KPNA6: variants seen among roughly 807,000 people sequenced by gnomAD.
The protein encoded by KPNA6 is importin subunit alpha-7.
Under a neutral mutation model 72.0 loss-of-function variants are expected in KPNA6, and 9 were observed. The ratio of observed to expected loss-of-function variants is 0.13; its 90% CI spans 0.08 to 0.22. The LOEUF (loss-of-function observed/expected upper bound fraction) is 0.22. Among genes scored for constraint, KPNA6 ranks in the 10% least tolerant of loss-of-function variants. The pLI is 1.00. For synonymous variants in KPNA6, 219 were observed against 242.1 expected (o/e 0.90, Z 0.89); for missense variants, 374 against 655.7 (o/e 0.57, Z 4.69).
chr1:32,109,647 CTTT>C (rs34762782), intron 1 of KPNA6, among the ~76,000 whole-genome samples: 6 of 139,226 alleles, frequency 4.3e-5, no homozygotes, highest in Non-Finnish European at 7.8e-5. Flanking sequence ...ATTATGAAAT[CTTT>C]TTTTTTTTTT....
intron 1 of KPNA6, among the ~76,000 whole-genome samples, chr1:32,123,640 T>C (rs929950666): frequency 6.7e-6 from 1 of 150,242 alleles, no homozygotes; most frequent in African/African-American, 2.5e-5. Flanking sequence ...CTCAGAAGGC[T>C]GAGGTGGGAG....
At chr1:32,169,082 G>A (rs1385574088) in intron 12 of KPNA6, among the ~76,000 whole-genome samples, 1 of 152,034 alleles carries the variant, frequency 6.6e-6, no homozygotes, top group Non-Finnish European at 1.5e-5. Flanking sequence ...GGTTATCAAG[G>A]CTCAGTAAGA....
intron 1 of KPNA6, among the ~76,000 whole-genome samples, chr1:32,143,289 C>T (rs1641872414): frequency 6.6e-6 from 1 of 152,110 alleles, no homozygotes; most frequent in Non-Finnish European, 1.5e-5. Flanking sequence ...TGCTCTTGAA[C>T]TCCTGGGCTC....
rs35485312 is a variant in KPNA6 at position 32,175,782 on chromosome 1, CAA to C, written c.*4909_*4910del. ...TGGGTGACAGTGCGAGACTCCATCT[CAA>C]AAAAAAAAAAAAAAAAAAAATCCAC... On this transcript the variant is annotated 3_prime_UTR_variant, in exon 14 of 14. Transcript: ENST00000373625. 32 of 38,912 alleles carry C rather than the reference CAA, an allele frequency of 8.2e-4. No individual in the cohort carries two copies. Among genetic ancestry groups the C allele is most frequent in the African/African-American group, 2.4e-3 (26 of 10,816 alleles). The allele number at this position is 38,912 out of a possible 1,614,324, so 2.4% of individuals were successfully genotyped here.
At chr1:32,163,103 CAAAAAAAAAAGAAAAAA>C (rs994398438) in intron 9 of KPNA6, 115 bp from the exon 10 acceptor site, 23 of 515,406 alleles carry the variant, frequency 4.5e-5, no homozygotes, top group Non-Finnish European at 6.8e-6. Context: ...GACTCTGTCT[CAAAAAAAAAAGAAAAAA>C]GAAAAAAAAA....
chr1:32,116,189 CTTT>C (rs370003341), intron 1 of KPNA6, among the ~76,000 whole-genome samples: 4 of 141,386 alleles, frequency 2.8e-5, no homozygotes, highest in Non-Finnish European at 1.5e-5. Context: ...CTTTTCTTTT[CTTT>C]TTTTTTTTTT....
At position 32,175,021 on chromosome 1, in the gene KPNA6, A is replaced by G. The variant is rs1642501557; in HGVS notation, c.*4127A>G. ...TGCTGGGATCCATGTAGTGGGCACTAGCTGCTCTTTGGCCAAGGCCTTCAT... is the reference window on the plus strand; with the variant it reads ...TGCTGGGATCCATGTAGTGGGCACTGGCTGCTCTTTGGCCAAGGCCTTCAT... On this transcript the variant is annotated 3_prime_UTR_variant, in exon 14 of 14. Coordinates refer to ENST00000373625, the MANE Select transcript of KPNA6 (RefSeq NM_012316.5). The G allele has an allele frequency of 6.6e-6, 1 of 152,234 alleles. No individual in the cohort carries two copies. The highest frequency in any genetic ancestry group is 2.4e-5 in the African/African-American group (1 of 41,454). The allele number at this position is 152,234 out of a possible 1,614,324, so 9.4% of individuals were successfully genotyped here.
rs1429179731 is a variant in KPNA6 at position 32,128,420 on chromosome 1, TATATATACAC to T, written c.4+20288_4+20297del. ...ATATATATATATATATATATATATA[TATATATACAC>T]ACACACACACATATATATATACACA... is the stretch of plus-strand genomic sequence containing the variant. On this transcript the variant is annotated intron_variant, in intron 1 of 13. Transcript: ENST00000373625. Among the ~76,000 whole-genome samples, 322 of 120,704 alleles carry T rather than the reference TATATATACAC, an allele frequency of 2.7e-3. 2 individuals are homozygous for T. The highest frequency in any genetic ancestry group is 0.011 in the African/African-American group (310 of 28,138). The allele number at this position is 120,704 out of a possible 152,430, so 79.2% of individuals were successfully genotyped here. A position where few individuals can be genotyped will look rare whatever the true frequency, so the allele number is the denominator to read the frequency against.
chr1:32,166,355 G>A (rs763235247), intron 11 of KPNA6, 125 bp downstream of exon 11: 9 of 1,152,942 alleles, frequency 7.8e-6, no homozygotes, highest in South Asian at 3.1e-5. Flanking sequence ...GGCCAGGCAC[G>A]GTGGCTCACG....
intron 1 of KPNA6, among the ~76,000 whole-genome samples, chr1:32,151,059 C>T (rs916418070): frequency 6.6e-6 from 1 of 152,246 alleles, no homozygotes; most frequent in East Asian, 1.9e-4. Flanking sequence ...TTCCAAAGTG[C>T]TGAGATTTAT....
At chr1:32,130,362 C>T (rs1306186338) in intron 1 of KPNA6, among the ~76,000 whole-genome samples, 1 of 151,666 alleles carries the variant, frequency 6.6e-6, no homozygotes, top group Non-Finnish European at 1.5e-5. Flanking sequence ...TCATTGCCTG[C>T]CTTGGTGCCT....
intron 10 of KPNA6, 69 bp from the exon 11 acceptor site, chr1:32,166,035 AC>A (rs201040242): frequency 4.5e-4 from 660 of 1,465,566 alleles, no homozygotes; most frequent in East Asian, 1.5e-3. Flanking sequence ...AACAACAACA[AC>A]AAAAAAACAT....
chr1:32,147,896 A>G (rs1004020079), intron 1 of KPNA6, among the ~76,000 whole-genome samples: 1 of 151,600 alleles, frequency 6.6e-6, no homozygotes, highest in East Asian at 2.0e-4. Context: ...TTGGTCTCCA[A>G]CGCAAGCCAT....
chr1:32,115,786 C>T (rs1641318823), intron 1 of KPNA6, among the ~76,000 whole-genome samples: 1 of 152,172 alleles, frequency 6.6e-6, no homozygotes, highest in African/African-American at 2.4e-5. Context: ...CACTGTCGCC[C>T]AGGCTGGAGT....
chr1:32,119,307 A>G (rs1641390812), intron 1 of KPNA6, among the ~76,000 whole-genome samples: 2 of 151,962 alleles, frequency 1.3e-5, no homozygotes, highest in Admixed American at 6.6e-5. Context: ...CTGGGATTAC[A>G]GGCTTGAGCC....
intron 1 of KPNA6, among the ~76,000 whole-genome samples, chr1:32,119,446 GT>G (rs1344784305): frequency 6.6e-6 from 1 of 152,134 alleles, no homozygotes; most frequent in East Asian, 1.9e-4. Flanking sequence ...GCAGACAGCA[GT>G]TAATTTCAGC....
At chr1:32,129,616 C>T (rs1393674174) in intron 1 of KPNA6, among the ~76,000 whole-genome samples, 1 of 152,044 alleles carries the variant, frequency 6.6e-6, no homozygotes, top group Non-Finnish European at 1.5e-5. Context: ...AGTGCAGTAG[C>T]GCCATCATAG....
At chr1:32,153,001 A>G (rs1291262765) in intron 1 of KPNA6, among the ~76,000 whole-genome samples, 1 of 132,724 alleles carries the variant, frequency 7.5e-6, no homozygotes, top group African/African-American at 2.8e-5. Flanking sequence ...TGGGTGACAG[A>G]GTGAGACTCC....
At chr1:32,120,297 T>C (rs1266445191) in intron 1 of KPNA6, among the ~76,000 whole-genome samples, 1 of 150,884 alleles carries the variant, frequency 6.6e-6, no homozygotes, top group Non-Finnish European at 1.5e-5. Flanking sequence ...CAGGCTGGAG[T>C]GCAGTGGTGT....
Sources: allele counts gnomAD v4.1 joint callset (sites outside exome capture counted in the v4.1 genomes callset), GRCh38; gene constraint gnomAD v4.1.1; transcripts MANE v1.5; gene names NCBI Gene and HGNC (gene_info 2026-07-23, HGNC 2026-07-21).